The following MLLT11 variants were observed in gnomAD, a reference collection of about 807,000 sequenced individuals.
The protein encoded by MLLT11 is protein AF1q.
Under a neutral mutation model 5.3 loss-of-function variants are expected in MLLT11, and 1 was observed. The observed-to-expected ratio is 0.19, with a 90% CI of 0.07 to 0.89. The LOEUF (loss-of-function observed/expected upper bound fraction) is 0.89, where lower values mean the gene tolerates loss of function less well. MLLT11 is among the 40% of genes least tolerant of loss of function. MLLT11 has a pLI of 0.67. For synonymous variants in MLLT11, 38 were observed against 41.7 expected (o/e 0.91, Z 0.34); for missense variants, 87 against 107.3 (o/e 0.81, Z 0.83).
chr1:151,065,582 G>A (rs931907923), intron 1 of MLLT11, among the ~76,000 whole-genome samples: 4 of 151,910 alleles, frequency 2.6e-5, no homozygotes, highest in Non-Finnish European at 5.9e-5. Flanking sequence ...ACAGGGTGTT[G>A]GGGGAGATGC....
Position 151,067,681 on chromosome 1 carries a change from C to T in MLLT11, c.*184C>T. ...CTGTCTACTCCATTTCTCTCAAAAG[C>T]CCTCAAGTCACAAAGTAAATGGTTC... On this transcript the variant is annotated 3_prime_UTR_variant, in exon 2 of 2. Coordinates refer to ENST00000368921, the MANE Select transcript of MLLT11 (RefSeq NM_006818.4). The T allele has an allele frequency of 1.4e-6, 1 of 693,568 alleles. No individual in the cohort carries two copies. Among genetic ancestry groups the T allele is most frequent in the South Asian group, 2.0e-5 (1 of 50,708 alleles). The allele number at this position is 693,568 out of a possible 1,614,324, so 43.0% of individuals were successfully genotyped here. A position where few individuals can be genotyped will look rare whatever the true frequency, so the allele number is the denominator to read the frequency against.
At chr1:151,062,266 T>A in intron 1 of MLLT11, among the ~76,000 whole-genome samples, 1 of 152,188 alleles carries the variant, frequency 6.6e-6, no homozygotes, top group Middle Eastern at 3.2e-3. Context: ...TTATGAGATC[T>A]GGATTCTATA....
Position 151,067,479 on chromosome 1 carries a change from C to T in MLLT11, c.255C>T (p.Phe85=), listed in dbSNP as rs76264968. ...WRAPIASIHS[F]ELDLL ...CTCCCATTGCCAGCATCCACTCCTT[C>T]GAACTGGACTTGCTCTAAGGCCAAG... Residue 85 remains phenylalanine (F), a synonymous_variant, in exon 2 of 2, where the codon TTC becomes TTT. Transcript: ENST00000368921. 6.1e-5 allele frequency: 98 copies of T among 1,613,864 alleles called. No homozygotes were observed. In the African/African-American group the frequency reaches 1.1e-3, roughly 18 times the overall value.
At chr1:151,062,651 G>A (rs1013590862) in intron 1 of MLLT11, among the ~76,000 whole-genome samples, 6 of 151,806 alleles carry the variant, frequency 4.0e-5, no homozygotes, top group Non-Finnish European at 5.9e-5. Flanking sequence ...GTGTGCCACC[G>A]CGCCTGGCCC....
intron 1 of MLLT11, among the ~76,000 whole-genome samples, chr1:151,064,171 G>A (rs1292818926): frequency 4.6e-5 from 7 of 152,066 alleles, no homozygotes; most frequent in South Asian, 2.1e-4. Context: ...ACAGGCATGC[G>A]CCACCTCGCC....
chr1:151,066,783 G>C (rs967270680), intron 1 of MLLT11, among the ~76,000 whole-genome samples: 1 of 152,070 alleles, frequency 6.6e-6, no homozygotes, highest in Non-Finnish European at 1.5e-5. Context: ...ACATTGGCCG[G>C]GCGTGGTGGT....
At chr1:151,065,977 A>G (rs1291882957) in intron 1 of MLLT11, among the ~76,000 whole-genome samples, 1 of 152,140 alleles carries the variant, frequency 6.6e-6, no homozygotes, top group Non-Finnish European at 1.5e-5. Flanking sequence ...AGTAGCTGGG[A>G]CTACAGGCGT....
In MLLT11 at chr1:151,068,952, G is replaced by C. The variant is rs1397589292; in HGVS notation, c.*1455G>C. Among the ~76,000 whole-genome samples, 1 of 152,172 alleles carries C rather than the reference G, an allele frequency of 6.6e-6. No homozygotes were observed. Among genetic ancestry groups the C allele is most frequent in the African/African-American group, 2.4e-5 (1 of 41,440 alleles). On this transcript the variant is annotated 3_prime_UTR_variant, in exon 2 of 2. Coordinates refer to ENST00000368921, the MANE Select transcript of MLLT11 (RefSeq NM_006818.4). ...TGATTTGAGTAGCATTTAGACATTAGATGGTGAACTTCGCATTGAACAGAT... is the reference window on the plus strand; with the variant it reads ...TGATTTGAGTAGCATTTAGACATTACATGGTGAACTTCGCATTGAACAGAT...
At chr1:151,065,229 T>A (rs1216996170) in intron 1 of MLLT11, among the ~76,000 whole-genome samples, 1 of 152,214 alleles carries the variant, frequency 6.6e-6, no homozygotes. Context: ...TGCATGCATG[T>A]GTTTCTTGAA....
rs1166647321 is a variant in MLLT11 at position 151,068,545 on chromosome 1, G to A, written c.*1048G>A. The A allele has an allele frequency of 5.1e-6, 1 of 194,534 alleles. No homozygotes were observed. Among genetic ancestry groups the A allele is most frequent in the African/African-American group, 2.3e-5 (1 of 42,608 alleles). The allele number at this position is 194,534 out of a possible 1,614,324, so 12.1% of individuals were successfully genotyped here. Reference sequence around the variant, plus strand: ...CACAAGAAAAGCCACAGAAATCTGAGAAATTAGCCTTGCTTTCACACTTAG... The same window carrying A: ...CACAAGAAAAGCCACAGAAATCTGAAAAATTAGCCTTGCTTTCACACTTAG... On this transcript the variant is annotated 3_prime_UTR_variant, in exon 2 of 2. Coordinates refer to ENST00000368921, the MANE Select transcript of MLLT11 (RefSeq NM_006818.4).
In MLLT11 at chr1:151,067,739, C is replaced by T; in HGVS notation, c.*242C>T. The T allele has an allele frequency of 3.6e-6, 2 of 548,544 alleles. No individual in the cohort carries two copies. The highest frequency in any genetic ancestry group is 3.1e-5 in the East Asian group (1 of 32,194). The allele number at this position is 548,544 out of a possible 1,614,324, so 34.0% of individuals were successfully genotyped here. A position where few individuals can be genotyped will look rare whatever the true frequency, so the allele number is the denominator to read the frequency against. On this transcript the variant is annotated 3_prime_UTR_variant, in exon 2 of 2. Coordinates refer to ENST00000368921, the MANE Select transcript of MLLT11 (RefSeq NM_006818.4). The stretch of plus-strand genomic sequence containing the variant: ...GGAGTACTGGGTCACAGGGATTCCT[C>T]CTTTCCCCCCCAAATATTAACTCCA...
Position 151,068,168 on chromosome 1 carries a change from C to G in MLLT11, c.*671C>G. ...CTCAAAAGAGTGTCCCTTCTTCACA[C>G]CTACTCACTTTACAACTTTGCTCCT... On this transcript the variant is annotated 3_prime_UTR_variant, in exon 2 of 2. Coordinates refer to ENST00000368921, the MANE Select transcript of MLLT11 (RefSeq NM_006818.4). 4.2e-6 allele frequency: 1 copy of G among 240,094 alleles called. No individual in the cohort carries two copies. The highest frequency in any genetic ancestry group is 8.8e-6 in the Non-Finnish European group (1 of 113,248). 14.9% of individuals were successfully genotyped at this position (240,094 alleles called of 1,614,324 possible). A position where few individuals can be genotyped will look rare whatever the true frequency, so the allele number is the denominator to read the frequency against.
At chr1:151,066,039 C>T (rs587619540) in intron 1 of MLLT11, among the ~76,000 whole-genome samples, 1 of 152,150 alleles carries the variant, frequency 6.6e-6, no homozygotes, top group Non-Finnish European at 1.5e-5. Context: ...GGAGTTTTGC[C>T]ATGTTGCCCA....
At chr1:151,061,044 C>T (rs16832968) in intron 1 of MLLT11, among the ~76,000 whole-genome samples, 1,643 of 152,146 alleles carry the variant, frequency 0.011, 42 homozygotes, top group African/African-American at 0.038. Context: ...CATTCCACCT[C>T]GAATCTTTGC....
chr1:151,061,090 G>T (rs1676399813), intron 1 of MLLT11, among the ~76,000 whole-genome samples: 1 of 152,164 alleles, frequency 6.6e-6, no homozygotes, highest in Non-Finnish European at 1.5e-5. Context: ...AGGAAAGGTG[G>T]GGGCCTCTGT....
At position 151,067,931 on chromosome 1, in the gene MLLT11, G is replaced by A; in HGVS notation, c.*434G>A. 1 of 252,106 alleles carries A rather than the reference G, an allele frequency of 4.0e-6. No homozygotes were observed. Among genetic ancestry groups the A allele is most frequent in the East Asian group, 6.1e-5 (1 of 16,320 alleles). 15.6% of individuals were successfully genotyped at this position (252,106 alleles called of 1,614,324 possible). The stretch of plus-strand genomic sequence containing the variant: ...TCTTCAAGGGGTGATGAAAACCTCG[G>A]AAGTTTTAATTTGAGGTTATCTGCT... On this transcript the variant is annotated 3_prime_UTR_variant, in exon 2 of 2. Transcript: ENST00000368921.
At chr1:151,064,094 T>C (rs1374866030) in intron 1 of MLLT11, among the ~76,000 whole-genome samples, 2 of 152,092 alleles carry the variant, frequency 1.3e-5, no homozygotes, top group Non-Finnish European at 2.9e-5. Flanking sequence ...AGATCTCGGC[T>C]CACTGCAACC....
rs1187297754 is a variant in MLLT11 at position 151,069,262 on chromosome 1, T to G, written c.*1765T>G. Among the ~76,000 whole-genome samples the G allele has an allele frequency of 1.3e-5, 2 of 152,098 alleles. No homozygotes were observed. Among genetic ancestry groups the G allele is most frequent in the Non-Finnish European group, 2.9e-5 (2 of 68,006 alleles). On this transcript the variant is annotated 3_prime_UTR_variant, in exon 2 of 2. Coordinates refer to ENST00000368921, the MANE Select transcript of MLLT11 (RefSeq NM_006818.4). ...AATACCAATATGGATAGGACAGAAT[T>G]GGGCAGTGTACTATAAATAAGGATG...
At chr1:151,062,068 C>G (rs1205559762) in intron 1 of MLLT11, among the ~76,000 whole-genome samples, 1 of 150,602 alleles carries the variant, frequency 6.6e-6, no homozygotes, top group East Asian at 1.9e-4. Flanking sequence ...TTCTCAGATT[C>G]TAGCTTGCTC....
Sources: gnomAD v4.1 joint callset for allele counts (sites outside exome capture counted in the v4.1 genomes callset) on GRCh38, gnomAD v4.1.1 for gene constraint, MANE v1.5 for transcripts, NCBI Gene and HGNC (gene_info 2026-07-23, HGNC 2026-07-21) for gene names.